RABGAP1L: variants seen among roughly 807,000 people sequenced by gnomAD.
RABGAP1L encodes the protein rab GTPase-activating protein 1-like.
In RABGAP1L, 63 loss-of-function variants were observed where a neutral mutation model predicts 137.7. That is an observed-to-expected ratio of 0.46 (90% confidence interval 0.37 to 0.56). The LOEUF (loss-of-function observed/expected upper bound fraction) is 0.56, where lower values mean the gene tolerates loss of function less well. Among genes scored for constraint, RABGAP1L ranks in the 20% least tolerant of loss-of-function variants. The pLI is 0.00. For synonymous variants in RABGAP1L, 431 were observed against 433.7 expected (o/e 0.99, Z 0.08); for missense variants, 1,095 against 1,244.0 (o/e 0.88, Z 1.80).
intron 4 of RABGAP1L, among the ~76,000 whole-genome samples, chr1:174,241,201 T>A (rs1213960349): frequency 6.6e-6 from 1 of 152,028 alleles, no homozygotes; most frequent in Non-Finnish European, 1.5e-5. Flanking sequence ...GCACCTGTTA[T>A]CCCAGGTACT....
At chr1:174,510,203 T>C (rs1662202042) in intron 13 of RABGAP1L, among the ~76,000 whole-genome samples, 1 of 152,232 alleles carries the variant, frequency 6.6e-6, no homozygotes, top group African/African-American at 2.4e-5. Flanking sequence ...TGCCATACTC[T>C]AGAAAAATGG....
intron 19 of RABGAP1L, among the ~76,000 whole-genome samples, chr1:174,848,873 CAGCG>C (rs1647610965): frequency 6.6e-6 from 1 of 151,154 alleles, no homozygotes; most frequent in African/African-American, 2.4e-5. Flanking sequence ...TGCTAGCAAT[CAGCG>C]AGATTCCGTG....
chr1:174,263,963 A>C (rs1019446264), intron 7 of RABGAP1L, among the ~76,000 whole-genome samples: 2 of 152,010 alleles, frequency 1.3e-5, no homozygotes, highest in Admixed American at 1.3e-4. Context: ...TTGTTTAGTT[A>C]CTAATATTTT....
In RABGAP1L at chr1:174,201,229, A is replaced by G. The variant is rs865914116; in HGVS notation, c.-33-17896A>G. 1.7e-4 allele frequency among the ~76,000 whole-genome samples: 26 copies of G among 151,470 alleles called. No homozygotes were observed. The Middle Eastern group carries it at 0.011, about 62-fold the overall frequency. ...CGCAGGCTCCCAAAGTGTTGAAATT[A>G]CAGGTGTGAGCCACCACACCCAGTG... On this transcript the variant is annotated intron_variant, in intron 1 of 25. Transcript: ENST00000681986.
At position 174,394,162 on chromosome 1, in the gene RABGAP1L, T is replaced by C. The variant is rs746852855; in HGVS notation, c.1710+17T>C. On this transcript the variant is annotated intron_variant, in intron 13 of 25. Transcript: ENST00000681986. ...ATCACAAAGGTAGGAAGAAGTTCTT[T>C]TCATATTATTTTCATTGGATGACCT... 3.1e-6 allele frequency: 5 copies of C among 1,606,330 alleles called. No individual in the cohort carries two copies. The highest frequency in any genetic ancestry group is 4.3e-6 in the Non-Finnish European group (5 of 1,176,216).
intron 5 of RABGAP1L, chr1:174,244,321 G>C (rs930570372): frequency 1.3e-5 from 2 of 152,184 alleles, no homozygotes; most frequent in Non-Finnish European, 2.9e-5. Context: ...GAGCTGAAGA[G>C]GTTTGTCGTT....
At chr1:174,887,427 C>T (rs1470482474) in intron 19 of RABGAP1L, among the ~76,000 whole-genome samples, 1 of 152,124 alleles carries the variant, frequency 6.6e-6, no homozygotes, top group East Asian at 1.9e-4. Flanking sequence ...ATTGAAAATT[C>T]AGACTTACCA....
chr1:174,196,544 G>C (rs2148368029), intron 1 of RABGAP1L, among the ~76,000 whole-genome samples: 1 of 150,066 alleles, frequency 6.7e-6, no homozygotes, highest in Admixed American at 6.6e-5. Flanking sequence ...TATTCTTTCT[G>C]GGAAAATTTT....
At chr1:174,256,863 T>C (rs1250143776) in intron 7 of RABGAP1L, among the ~76,000 whole-genome samples, 3 of 152,208 alleles carry the variant, frequency 2.0e-5, no homozygotes, top group African/African-American at 7.2e-5. Flanking sequence ...TTAACATTCT[T>C]GTATGATTCT....
At chr1:174,782,583 T>C (rs1558073359) in intron 18 of RABGAP1L, among the ~76,000 whole-genome samples, 1 of 152,218 alleles carries the variant, frequency 6.6e-6, no homozygotes, top group East Asian at 1.9e-4. Flanking sequence ...TCTTCATTTG[T>C]TACTCTTCTC....
At chr1:174,569,689 G>A (rs567300791) in intron 13 of RABGAP1L, among the ~76,000 whole-genome samples, 80 of 152,264 alleles carry the variant, frequency 5.3e-4, no homozygotes, top group Middle Eastern at 3.4e-3. Context: ...GTATAGCTCA[G>A]AAAGCCAAAT....
intron 17 of RABGAP1L, 49 bp downstream of exon 17, chr1:174,702,305 ACTAAAAATGGTTACAGTTTTCTTCC>A: frequency 6.8e-7 from 1 of 1,477,142 alleles, no homozygotes; most frequent in Non-Finnish European, 9.1e-7. Context: ...AGTAGTTTCT[ACTAAAAATGGTTACAGTTTTCTTCC>A]TTTTGTTTTT....
chr1:174,450,811 C>A (rs986159869), intron 13 of RABGAP1L, among the ~76,000 whole-genome samples: 2 of 152,078 alleles, frequency 1.3e-5, no homozygotes, highest in African/African-American at 4.8e-5. Context: ...GAGTATTTTT[C>A]TTCTCAGCAT....
At position 174,567,975 on chromosome 1, in the gene RABGAP1L, C is replaced by G. The variant is rs551369960; in HGVS notation, c.1711-69400C>G. Among the ~76,000 whole-genome samples the G allele has an allele frequency of 3.2e-4, 48 of 152,234 alleles. 1 individual carries two copies. The highest frequency in any genetic ancestry group is 1.1e-3 in the African/African-American group (46 of 41,558). On this transcript the variant is annotated intron_variant, in intron 13 of 25. Coordinates refer to ENST00000681986, the MANE Select transcript of RABGAP1L (RefSeq NM_001366446.1). ...TATAATATGTGGATATGTGTTAATT[C>G]ATTCTTGCATTGATATAAAGGAATA...
At chr1:174,197,122 T>G (rs1667746773) in intron 1 of RABGAP1L, among the ~76,000 whole-genome samples, 1 of 152,248 alleles carries the variant, frequency 6.6e-6, no homozygotes. Flanking sequence ...TGCCAGGCAC[T>G]GTGCCCAGTG....
At chr1:174,932,052 A>G (rs1663922828) in intron 19 of RABGAP1L, among the ~76,000 whole-genome samples, 1 of 145,558 alleles carries the variant, frequency 6.9e-6, no homozygotes, top group Non-Finnish European at 1.5e-5. Flanking sequence ...CTTGCTCAAA[A>G]CACTGACTAT....
intron 11 of RABGAP1L, among the ~76,000 whole-genome samples, chr1:174,366,601 C>T (rs1345157053): frequency 6.6e-6 from 1 of 151,732 alleles, no homozygotes; most frequent in Non-Finnish European, 1.5e-5. Context: ...GAAACCTCAT[C>T]TCTACTAAAA....
intron 18 of RABGAP1L, among the ~76,000 whole-genome samples, chr1:174,771,614 A>C (rs1686117205): frequency 6.6e-6 from 1 of 152,190 alleles, no homozygotes; most frequent in African/African-American, 2.4e-5. Flanking sequence ...AATATAAACA[A>C]CCCATTTGTT....
chr1:174,543,703 C>G (rs1572250945), intron 13 of RABGAP1L, among the ~76,000 whole-genome samples: 1 of 152,020 alleles, frequency 6.6e-6, no homozygotes, highest in South Asian at 2.1e-4. Flanking sequence ...TGGTCTTTAC[C>G]ATTTGGCATG....
Sources: gnomAD v4.1 joint callset for allele counts (sites outside exome capture counted in the v4.1 genomes callset) on GRCh38, gnomAD v4.1.1 for gene constraint, MANE v1.5 for transcripts, NCBI Gene and HGNC (gene_info 2026-07-23, HGNC 2026-07-21) for gene names.